Variants in DAPP1 observed in about 807,000 individuals in gnomAD.
DAPP1 encodes the protein dual adapter for phosphotyrosine and 3-phosphotyrosine and 3-phosphoinositide.
A neutral mutation model predicts 41.5 loss-of-function variants in DAPP1; 20 were observed. The ratio of observed to expected loss-of-function variants is 0.48; its 90% confidence interval spans 0.34 to 0.70. The LOEUF (loss-of-function observed/expected upper bound fraction) is 0.70, where lower values mean the gene tolerates loss of function less well. Ranked by LOEUF, DAPP1 falls within the 30% of genes least tolerant of loss-of-function variation. The pLI is 0.01. For missense variants in DAPP1, 233 were observed against 333.4 expected (o/e 0.70, Z 2.35); for synonymous variants, 113 against 116.2 (o/e 0.97, Z 0.18).
intron 4 of DAPP1, among the ~76,000 whole-genome samples, chr4:99,859,145 G>C (rs1391357431): frequency 6.6e-6 from 1 of 151,916 alleles, no homozygotes; most frequent in African/African-American, 2.4e-5. Context: ...CGAACTCCTG[G>C]GTGCAAGCAA....
At chr4:99,820,270 A>C (rs1478276313) in intron 1 of DAPP1, among the ~76,000 whole-genome samples, 1 of 152,192 alleles carries the variant, frequency 6.6e-6, no homozygotes, top group Non-Finnish European at 1.5e-5. Flanking sequence ...AACAAGTAAC[A>C]AATACTGGAG....
In DAPP1 at chr4:99,816,906, G is replaced by T; in HGVS notation, c.-8G>T. On this transcript the variant is annotated 5_prime_UTR_variant, in exon 1 of 9. In the 5' UTR this introduces an upstream ATG that the reference lacks. Transcript: ENST00000512369. The stretch of plus-strand genomic sequence containing the variant: ...GTGTCTCTCTCTCTACCTCTGTGAA[G>T]GGCGCGAATGGGCAGAGCAGAACTT... 2 of 1,601,824 alleles carry T rather than the reference G, an allele frequency of 1.2e-6. No individual in the cohort carries two copies. The highest frequency in any genetic ancestry group is 1.7e-6 in the Non-Finnish European group (2 of 1,174,300).
chr4:99,833,832 G>A (rs1469897878), intron 1 of DAPP1, among the ~76,000 whole-genome samples: 1 of 152,188 alleles, frequency 6.6e-6, no homozygotes, highest in East Asian at 1.9e-4. Context: ...ACGGCTTTTT[G>A]GATCTCAATG....
intron 3 of DAPP1, 93 bp downstream of exon 3, chr4:99,840,515 A>G (rs1017763388): frequency 2.9e-6 from 4 of 1,389,518 alleles, no homozygotes; most frequent in Non-Finnish European, 2.9e-6. Context: ...CATTGTTGTC[A>G]TTTATATTTC....
intron 3 of DAPP1, among the ~76,000 whole-genome samples, chr4:99,848,003 G>A (rs1240682600): frequency 1.3e-5 from 2 of 151,872 alleles, no homozygotes; most frequent in African/African-American, 2.4e-5. Context: ...TAGTAGAGAC[G>A]GGGTTTCATC....
At chr4:99,854,732 A>G (rs1399641147) in intron 4 of DAPP1, among the ~76,000 whole-genome samples, 1 of 152,238 alleles carries the variant, frequency 6.6e-6, no homozygotes, top group Non-Finnish European at 1.5e-5. Flanking sequence ...CAAGACTGGT[A>G]TCACGGATCA....
intron 4 of DAPP1, among the ~76,000 whole-genome samples, chr4:99,856,899 C>G (rs190287701): frequency 2.6e-5 from 4 of 152,166 alleles, no homozygotes; most frequent in Non-Finnish European, 5.9e-5. Flanking sequence ...GAACCCTGAG[C>G]CTTGGGAACC....
intron 1 of DAPP1, among the ~76,000 whole-genome samples, chr4:99,818,710 T>C (rs1722673071): frequency 6.6e-6 from 1 of 152,088 alleles, no homozygotes; most frequent in African/African-American, 2.4e-5. Flanking sequence ...GGTACATTCA[T>C]GGCCAGATTT....
intron 3 of DAPP1, chr4:99,844,395 CAAAT>C (rs1723597683): frequency 6.6e-6 from 1 of 152,142 alleles, no homozygotes; most frequent in Admixed American, 6.5e-5. Flanking sequence ...AAACTAAACT[CAAAT>C]AGACTTGAAA....
Position 99,868,916 on chromosome 4 carries a change from AGAGT to A in DAPP1, c.*735_*738del, listed in dbSNP as rs1372892814. The A allele has an allele frequency of 2.0e-5, 3 of 152,196 alleles. No homozygotes were observed. The highest frequency in any genetic ancestry group is 7.2e-5 in the African/African-American group (3 of 41,462). 9.4% of individuals were successfully genotyped at this position (152,196 alleles called of 1,614,324 possible). ...CACCCTGTTGGGGTAAATGTTTTAA[AGAGT>A]GAGAAAACATAAATTGAGAAAGGGT... On this transcript the variant is annotated 3_prime_UTR_variant, in exon 9 of 9. Transcript: ENST00000512369.
intron 4 of DAPP1, among the ~76,000 whole-genome samples, chr4:99,858,405 G>A (rs1724121108): frequency 6.6e-6 from 1 of 152,200 alleles, no homozygotes. Context: ...TACCACAAAA[G>A]TGATGCTTTG....
At chr4:99,828,424 A>C (rs1447629936) in intron 1 of DAPP1, among the ~76,000 whole-genome samples, 1 of 152,194 alleles carries the variant, frequency 6.6e-6, no homozygotes. Flanking sequence ...GAGTGATATA[A>C]AATGTATTTT....
intron 8 of DAPP1, among the ~76,000 whole-genome samples, chr4:99,867,387 T>C (rs75240529): frequency 0.023 from 3,477 of 152,270 alleles, 139 homozygotes; most frequent in African/African-American, 0.079. Flanking sequence ...TCTTTACACA[T>C]AAATATTTAA....
intron 4 of DAPP1, among the ~76,000 whole-genome samples, chr4:99,857,042 G>C (rs1441533936): frequency 6.6e-6 from 1 of 152,204 alleles, no homozygotes. Context: ...TTGCTCATAA[G>C]ACATTTGGAA....
intron 7 of DAPP1, chr4:99,865,390 G>C (rs1168816319): frequency 6.6e-6 from 1 of 152,184 alleles, no homozygotes; most frequent in East Asian, 1.9e-4. Context: ...TTTAGGAAAA[G>C]TATTTTGTGC....
At chr4:99,828,843 G>A (rs1421951808) in intron 1 of DAPP1, among the ~76,000 whole-genome samples, 1 of 152,158 alleles carries the variant, frequency 6.6e-6, no homozygotes, top group Non-Finnish European at 1.5e-5. Context: ...TTCTTTTGGA[G>A]CTTGATTAGT....
chr4:99,828,367 T>C (rs1001830082), intron 1 of DAPP1, among the ~76,000 whole-genome samples: 10 of 152,232 alleles, frequency 6.6e-5, no homozygotes, highest in Non-Finnish European at 1.3e-4. Flanking sequence ...CTGTAACTTT[T>C]TGTTTTTTGT....
chr4:99,858,945 G>A (rs1305040402), intron 4 of DAPP1, among the ~76,000 whole-genome samples: 1 of 151,726 alleles, frequency 6.6e-6, no homozygotes, highest in Non-Finnish European at 1.5e-5. Flanking sequence ...TGTCTCCCAA[G>A]CTGGAGTGCA....
At chr4:99,842,624 G>A (rs1723530908) in intron 3 of DAPP1, among the ~76,000 whole-genome samples, 2 of 152,248 alleles carry the variant, frequency 1.3e-5, no homozygotes, top group African/African-American at 4.8e-5. Flanking sequence ...ACAAGATAAT[G>A]TGCTCAAGTC....
Sources: allele counts gnomAD v4.1 joint callset (sites outside exome capture counted in the v4.1 genomes callset), GRCh38; gene constraint gnomAD v4.1.1; transcripts MANE v1.5; gene names NCBI Gene and HGNC (gene_info 2026-07-23, HGNC 2026-07-21).